The following DGKQ variants were observed in gnomAD, a reference collection of about 807,000 sequenced individuals.
DGKQ encodes diacylglycerol kinase theta, also known as DAG kinase theta.
A neutral mutation model predicts 104.2 loss-of-function variants in DGKQ; 97 were observed. That is an observed-to-expected ratio of 0.93 (90% confidence interval 0.79 to 1.10). The LOEUF (loss-of-function observed/expected upper bound fraction) is 1.10, where lower values mean the gene tolerates loss of function less well. Ranked by LOEUF, DGKQ falls within the 50% of genes least tolerant of loss-of-function variation. The pLI, the probability that DGKQ is intolerant of heterozygous loss-of-function variation, is 0.00. For synonymous variants in DGKQ, 736 were observed against 595.2 expected (o/e 1.24, Z -3.44); for missense variants, 1,465 against 1,352.1 (o/e 1.08, Z -1.31).
At chr4:966,423 A>G in intron 12 of DGKQ, 43 bp downstream of exon 12, 1 of 1,600,078 alleles carries the variant, frequency 6.2e-7, no homozygotes, top group Non-Finnish European at 8.5e-7. Flanking sequence ...GCTGTGGCTG[A>G]GGGCTGCTGG....
rs1394592749 is a variant in DGKQ, at chr4:971,824, C to T, written c.272-752G>A. Among the ~76,000 whole-genome samples the T allele has an allele frequency of 3.3e-5, 5 of 152,110 alleles. No individual in the cohort carries two copies. The highest frequency in any genetic ancestry group is 7.2e-5 in the African/African-American group (3 of 41,406). ...AGTGACACAACTGCCAAGACAGCCC[C>T]GGGTGAAGGTTGTGCCACGGAGCCC... On this transcript the variant is annotated intron_variant, in intron 1 of 22. Transcript: ENST00000273814. The surrounding 1 kb of genome is among the most constrained non-coding windows in gnomAD (Gnocchi z 4.0).
intron 16 of DGKQ, 29 bp from the exon 17 acceptor site, chr4:962,949 C>G: frequency 1.3e-6 from 2 of 1,589,922 alleles, no homozygotes; most frequent in Non-Finnish European, 1.7e-6. Flanking sequence ...TGTCCTCTAC[C>G]AGCTGCGGGC....
chr4:959,405 TC>T lies in DGKQ; in HGVS notation c.*1214del, dbSNP rs34931738. ...CGTTTCTCGTGGGGGAGTCGGGGCT[TC>T]CCCACAGAGCGGGCTCCATTTTTGG... On this transcript the variant is annotated 3_prime_UTR_variant, in exon 23 of 23. Transcript: ENST00000273814. 0.53 allele frequency: 81,028 copies of T among 152,066 alleles called. 21,715 individuals carry two copies. The highest frequency in any genetic ancestry group is 0.58 in the Admixed American group (8,925 of 15,280). 9.4% of individuals were successfully genotyped at this position (152,066 alleles called of 1,614,324 possible). A position where few individuals can be genotyped will look rare whatever the true frequency, so the allele number is the denominator to read the frequency against.
In DGKQ at chr4:966,446, C is replaced by T. The variant is rs566798892; in HGVS notation, c.1428+20G>A. The T allele has an allele frequency of 3.5e-5, 57 of 1,610,484 alleles. No individual in the cohort carries two copies. Among genetic ancestry groups the T allele is most frequent in the East Asian group, 4.5e-5 (2 of 44,822 alleles). On this transcript the variant is annotated intron_variant, in intron 12 of 22. Transcript: ENST00000273814. ...TGAGGGCTGCTGGTTCCCTGGGGGC[C>T]GGCGTCCACACCCACTCACCTGCCG... is the stretch of plus-strand genomic sequence containing the variant.
intron 21 of DGKQ, 95 bp from the exon 22 acceptor site, chr4:961,296 A>C (rs28671147): frequency 8.3e-7 from 1 of 1,210,834 alleles, no homozygotes; most frequent in Non-Finnish European, 1.1e-6. Context: ...AGCAGGGACC[A>C]GGGACGCCCA....
At chr4:965,779 C>A in intron 13 of DGKQ, 149 bp downstream of exon 13, 1 of 971,784 alleles carries the variant, frequency 1.0e-6, no homozygotes, top group Non-Finnish European at 1.5e-6. Context: ...GCTCCAGAGC[C>A]TCTTGGAGGA....
chr4:966,381 C>G (rs569428587), intron 12 of DGKQ, 85 bp downstream of exon 12: 18 of 1,443,696 alleles, frequency 1.2e-5, no homozygotes, highest in African/African-American at 2.8e-5. Context: ...GAGAACTCGG[C>G]GTCTGGGGCA....
In DGKQ at chr4:971,142, G is replaced by A. The variant is rs1167551391; in HGVS notation, c.272-70C>T. The A allele has an allele frequency of 2.1e-5, 26 of 1,223,660 alleles. No homozygotes were observed. Among genetic ancestry groups the A allele is most frequent in the African/African-American group, 6.0e-5 (4 of 66,810 alleles). 75.8% of individuals were successfully genotyped at this position (1,223,660 alleles called of 1,614,324 possible). ...TGGCTGTCCTACCCAGGAAGTTAGA[G>A]GCCCCAGGGCAATGACTGCCATACC... On this transcript the variant is annotated intron_variant, in intron 1 of 22. Coordinates refer to ENST00000273814, the MANE Select transcript of DGKQ (RefSeq NM_001347.4). The surrounding 1 kb of genome is among the most constrained non-coding windows in gnomAD (Gnocchi z 4.0).
Position 971,141 on chromosome 4 carries a change from A to G in DGKQ, c.272-69T>C. 2.4e-6 allele frequency: 3 copies of G among 1,256,114 alleles called. No homozygotes were observed. Among genetic ancestry groups the G allele is most frequent in the Non-Finnish European group, 2.3e-6 (2 of 883,966 alleles). The allele number at this position is 1,256,114 out of a possible 1,614,324, so 77.8% of individuals were successfully genotyped here. On this transcript the variant is annotated intron_variant, in intron 1 of 22. Coordinates refer to ENST00000273814, the MANE Select transcript of DGKQ (RefSeq NM_001347.4). This position sits in a 1 kb window ranked among gnomAD's most constrained non-coding sequence, Gnocchi z 4.0. ...ATGGCTGTCCTACCCAGGAAGTTAGAGGCCCCAGGGCAATGACTGCCATAC... is the reference window on the plus strand; with the variant it reads ...ATGGCTGTCCTACCCAGGAAGTTAGGGGCCCCAGGGCAATGACTGCCATAC...
chr4:961,788 T>G lies in DGKQ; in HGVS notation c.2362A>C (p.Ser788Arg). ...TGCTTGTGCAGGCTCCGAGAGTGACTGATCTTCTGCAGCCCCACCCGCACG... is the reference window on the plus strand; with the variant it reads ...TGCTTGTGCAGGCTCCGAGAGTGACGGATCTTCTGCAGCCCCACCCGCACG... ...VYVRVGLQKI[S>R]HSRSLHKQIR... Residue 788 changes from serine to arginine, a missense_variant, in exon 20 of 23, where the codon AGT becomes CGT. By Grantham distance (110) the Ser-to-Arg change is moderately radical. Transcript: ENST00000273814. 4 of 1,610,610 alleles carry G rather than the reference T, an allele frequency of 2.5e-6. No homozygotes were observed. Among genetic ancestry groups the G allele is most frequent in the Non-Finnish European group, 3.4e-6 (4 of 1,178,920 alleles).
Position 965,159 on chromosome 4 carries a change from C to T in DGKQ, c.1734+17G>A. The T allele has an allele frequency of 6.2e-7, 1 of 1,609,816 alleles. No homozygotes were observed. The highest frequency in any genetic ancestry group is 8.5e-7 in the Non-Finnish European group (1 of 1,177,444). ...CCCCCTGGGGTGTGTGAAGAGCCGG[C>T]TTGACCGCACACTCACCAGCAGGTC... On this transcript the variant is annotated intron_variant, in intron 15 of 22. Coordinates refer to ENST00000273814, the MANE Select transcript of DGKQ (RefSeq NM_001347.4).
intron 17 of DGKQ, 32 bp downstream of exon 17, chr4:962,739 AG>A (rs1711984491): frequency 1.3e-6 from 2 of 1,598,978 alleles, no homozygotes; most frequent in Admixed American, 1.7e-5. Context: ...GTAGACCCTG[AG>A]GCCCCCTCCT....
chr4:968,490 G>A lies in DGKQ; in HGVS notation c.526C>T (p.His176Tyr), dbSNP rs1712649609. The A allele has an allele frequency of 6.2e-7, 1 of 1,606,644 alleles. No individual in the cohort carries two copies. Among genetic ancestry groups the A allele is most frequent in the Non-Finnish European group, 8.5e-7 (1 of 1,177,150 alleles). Residue 176 changes from histidine (H) to tyrosine (Y), a missense_variant, in exon 4 of 23, where the codon CAC becomes TAC. Coordinates refer to ENST00000273814, the MANE Select transcript of DGKQ (RefSeq NM_001347.4). ...GCCGGTACACTCACGTGATCCTGGT[G>A]CCCATCCTGGTGGCACTGGCGGCAG... ...SDCRQCHQDGHQDHDTHHHHW... is the reference protein window; with the variant it reads ...SDCRQCHQDGYQDHDTHHHHW...
In DGKQ at chr4:966,458, C is replaced by T; in HGVS notation, c.1428+8G>A. On this transcript the variant is annotated splice_region_variant and intron_variant, in intron 12 of 22. Transcript: ENST00000273814. ...GTTCCCTGGGGGCCGGCGTCCACACCCACTCACCTGCCGGATGTCCTGTAG... is the reference window on the plus strand; with the variant it reads ...GTTCCCTGGGGGCCGGCGTCCACACTCACTCACCTGCCGGATGTCCTGTAG... 1 of 1,612,156 alleles carries T rather than the reference C, an allele frequency of 6.2e-7. No individual in the cohort carries two copies. Among genetic ancestry groups the T allele is most frequent in the Non-Finnish European group, 8.5e-7 (1 of 1,179,530 alleles).
At position 967,029 on chromosome 4, in the gene DGKQ, GCACGGA is replaced by G; in HGVS notation, c.1240_1245del (p.Ser414_Val415del). On this transcript the variant is annotated inframe_deletion, in exon 10 of 23. Coordinates refer to ENST00000273814, the MANE Select transcript of DGKQ (RefSeq NM_001347.4). ...CGGGCCGTGCTCTTCGGGGTCACTC[GCACGGA>G]CACGTAGGCCACGCCCACCCTGTGG... 1 of 1,561,954 alleles carries G rather than the reference GCACGGA, an allele frequency of 6.4e-7. No individual in the cohort carries two copies. Among genetic ancestry groups the G allele is most frequent in the Non-Finnish European group, 8.7e-7 (1 of 1,154,912 alleles).
At chr4:967,679 G>A in intron 7 of DGKQ, 30 bp from the exon 8 acceptor site, 2 of 1,612,364 alleles carry the variant, frequency 1.2e-6, no homozygotes, top group Non-Finnish European at 1.7e-6. Flanking sequence ...TGAGTCCCGG[G>A]CGCCCGGGGG....
chr4:965,058 G>A, intron 15 of DGKQ, 118 bp downstream of exon 15: 1 of 747,208 alleles, frequency 1.3e-6, no homozygotes, highest in African/African-American at 1.7e-5. Context: ...TGAATTCAAG[G>A]AAGTGATGCC....
Position 967,050 on chromosome 4 carries a change from C to A in DGKQ, c.1225G>T (p.Gly409Cys). The change falls in exon 10 of 23, where the codon GGC (glycine) becomes TGC (cysteine). Residue 409 changes from glycine (G) to cysteine (C), a missense_variant. Coordinates refer to ENST00000273814, the MANE Select transcript of DGKQ (RefSeq NM_001347.4). ...LKIYPGWLKV[G>C]VAYVSVRVTP... ...ACTCGCACGGACACGTAGGCCACGC[C>A]CACCCTGTGGGGACACAGTCTGAGC... 6.4e-7 allele frequency: 1 copy of A among 1,555,700 alleles called. No individual in the cohort carries two copies. Among genetic ancestry groups the A allele is most frequent in the East Asian group, 2.4e-5 (1 of 41,572 alleles).
At chr4:970,262 C>T (rs913044916) in intron 2 of DGKQ, among the ~76,000 whole-genome samples, 2 of 152,284 alleles carry the variant, frequency 1.3e-5, no homozygotes, top group African/African-American at 4.8e-5. Flanking sequence ...CGGCCTGCGC[C>T]CCACCTGCAG....
Sources: gnomAD v4.1 joint callset for allele counts (sites outside exome capture counted in the v4.1 genomes callset) on GRCh38, gnomAD v4.1.1 for gene constraint, Gnocchi (gnomAD v3.1) non-coding constraint, MANE v1.5 for transcripts, NCBI Gene and HGNC (gene_info 2026-07-23, HGNC 2026-07-21) for gene names.